Variants in CORO2B observed in about 807,000 individuals in gnomAD.
CORO2B encodes coronin-2B.
CORO2B carries 26 observed loss-of-function variants against 58.8 expected under a neutral mutation model. That is an observed-to-expected ratio of 0.44 (90% confidence interval 0.32 to 0.61). The LOEUF (loss-of-function observed/expected upper bound fraction) is 0.61. Ranked by LOEUF, CORO2B falls within the 20% of genes least tolerant of loss-of-function variation. The pLI is 0.04. For synonymous variants in CORO2B, 242 were observed against 253.8 expected (o/e 0.95, Z 0.44); for missense variants, 460 against 645.1 (o/e 0.71, Z 3.11).
chr15:68,686,903 A>AG (rs1386646592), intron 2 of CORO2B, among the ~76,000 whole-genome samples: 9 of 152,028 alleles, frequency 5.9e-5, no homozygotes, highest in African/African-American at 1.9e-4. Flanking sequence ...CCGTCTCAAA[A>AG]AAAAAAAAAG....
At chr15:68,714,339 A>T (rs1892983907) in intron 6 of CORO2B, among the ~76,000 whole-genome samples, 1 of 152,184 alleles carries the variant, frequency 6.6e-6, no homozygotes, top group African/African-American at 2.4e-5. Flanking sequence ...GACAATGAGA[A>T]CAAGTCCCTT....
rs149937397 is a variant in CORO2B, at chr15:68,632,427, C to T, written c.16-12733C>T. On this transcript the variant is annotated intron_variant, in intron 1 of 11. Transcript: ENST00000261861. ...AGACAGGACTCTTCATTTGCTAACA[C>T]GGAGAGACAGAAGTTGAGAAACGTC... The T allele has an allele frequency of 3.8e-4, 376 of 985,304 alleles. 2 individuals carry two copies. The African/African-American group carries it at 4.4e-3, about 12-fold the overall frequency. The allele number at this position is 985,304 out of a possible 1,614,324, so 61.0% of individuals were successfully genotyped here. A position where few individuals can be genotyped will look rare whatever the true frequency, so the allele number is the denominator to read the frequency against.
intron 1 of CORO2B, 75 bp downstream of exon 1, chr15:68,579,352 G>GGGGTGT: frequency 2.5e-6 from 3 of 1,221,550 alleles, no homozygotes; most frequent in Non-Finnish European, 3.1e-6. Flanking sequence ...GGGGGGCGCG[G>GGGGTGT]GGGTGTGGGT....
intron 2 of CORO2B, among the ~76,000 whole-genome samples, chr15:68,678,263 C>T (rs1902652727): frequency 6.6e-6 from 1 of 152,216 alleles, no homozygotes; most frequent in Admixed American, 6.5e-5. Context: ...CCTAGCACTC[C>T]ATAGTAAGAG....
At position 68,725,686 on chromosome 15, in the gene CORO2B, A is replaced by G. The variant is rs1596043820; in HGVS notation, c.1312-157A>G. On this transcript the variant is annotated intron_variant, in intron 11 of 11. Transcript: ENST00000261861. ...CTGAGCTAGAGATGGGAGAGGTGCA[A>G]TAAATGCACCTGGGGAGAATAAATG... 1.3e-5 allele frequency among the ~76,000 whole-genome samples: 2 copies of G among 152,122 alleles called. 1 individual carries two copies. The highest frequency in any genetic ancestry group is 3.9e-4 in the East Asian group (2 of 5,128).
At chr15:68,544,190 C>A in the CORO2B span, among the ~76,000 whole-genome samples, 22 of 152,334 alleles carry the variant, frequency 1.4e-4, no homozygotes, top group African/African-American at 5.3e-4. Context: ...ATCTCCTGAG[C>A]AAGCAACTAT....
intron 1 of CORO2B, among the ~76,000 whole-genome samples, chr15:68,601,655 A>G (rs16952292): frequency 0.25 from 37,590 of 152,120 alleles, 6,943 homozygotes; most frequent in African/African-American, 0.52. Context: ...GAGAACAGCT[A>G]GGAAGCGTGG....
chr15:68,698,361 C>T (rs1892563391), intron 3 of CORO2B, among the ~76,000 whole-genome samples: 1 of 152,174 alleles, frequency 6.6e-6, no homozygotes, highest in Admixed American at 6.5e-5. Flanking sequence ...CACCCAGGTT[C>T]CTCCTCAGGT....
Position 68,683,794 on chromosome 15 carries a change from C to T in CORO2B, c.217-11346C>T, listed in dbSNP as rs1037041535. Among the ~76,000 whole-genome samples, 7 of 152,294 alleles carry T rather than the reference C, an allele frequency of 4.6e-5. No individual in the cohort carries two copies. The East Asian group carries it at 9.7e-4, about 21-fold the overall frequency. On this transcript the variant is annotated intron_variant, in intron 2 of 11. Coordinates refer to ENST00000261861, the MANE Select transcript of CORO2B (RefSeq NM_006091.5). ...TCAAGACCACTGTCATCATGGTGCT[C>T]ACAGCCTGGTGGCAGGGATGAACCA...
chr15:68,543,484 A>G, the CORO2B span, among the ~76,000 whole-genome samples: 1 of 152,128 alleles, frequency 6.6e-6, no homozygotes, highest in African/African-American at 2.4e-5. Context: ...GGATAAGAGC[A>G]TGGGGGCTGG....
At chr15:68,663,150 A>C (rs1478869642) in intron 2 of CORO2B, among the ~76,000 whole-genome samples, 1 of 152,190 alleles carries the variant, frequency 6.6e-6, no homozygotes, top group Non-Finnish European at 1.5e-5. Context: ...AACTACCTAC[A>C]TTGTTCTCTC....
At chr15:68,684,844 G>A (rs1455847998) in intron 2 of CORO2B, among the ~76,000 whole-genome samples, 9 of 152,190 alleles carry the variant, frequency 5.9e-5, no homozygotes, top group South Asian at 2.1e-4. Context: ...CAGGGAGCCC[G>A]ATCTCTGCCC....
At chr15:68,715,718 G>A (rs1893016991) in intron 8 of CORO2B, among the ~76,000 whole-genome samples, 1 of 152,176 alleles carries the variant, frequency 6.6e-6, no homozygotes, top group African/African-American at 2.4e-5. Context: ...CTGTCTGCCT[G>A]ATAGGGCAGG....
chr15:68,523,646 C>G, the CORO2B span, among the ~76,000 whole-genome samples: 1 of 152,198 alleles, frequency 6.6e-6, no homozygotes, highest in South Asian at 2.1e-4. Context: ...TTCTGTGCCT[C>G]CATTGTCTCT....
intron 1 of CORO2B, among the ~76,000 whole-genome samples, chr15:68,640,120 A>G (rs1002589277): frequency 1.3e-5 from 2 of 152,046 alleles, no homozygotes; most frequent in African/African-American, 2.4e-5. Flanking sequence ...TCAGCTCCTT[A>G]GTAATGCAGG....
At chr15:68,691,801 C>T (rs1892385698) in intron 2 of CORO2B, among the ~76,000 whole-genome samples, 1 of 152,050 alleles carries the variant, frequency 6.6e-6, no homozygotes, top group South Asian at 2.1e-4. Context: ...TGTTGCCTAA[C>T]CTGCCCCTCC....
chr15:68,576,152 C>T (rs1270041025), upstream of CORO2B, among the ~76,000 whole-genome samples: 1 of 62,190 alleles, frequency 1.6e-5, no homozygotes, highest in African/African-American at 6.4e-5. Flanking sequence ...GACTACGTCG[C>T]AAAAAAAAAA....
chr15:68,645,491 G>A lies in CORO2B; in HGVS notation c.216+131G>A. 1 of 813,628 alleles carries A rather than the reference G, an allele frequency of 1.2e-6. No homozygotes were observed. The highest frequency in any genetic ancestry group is 1.8e-5 in the South Asian group (1 of 55,352). The allele number at this position is 813,628 out of a possible 1,614,324, so 50.4% of individuals were successfully genotyped here. A position where few individuals can be genotyped will look rare whatever the true frequency, so the allele number is the denominator to read the frequency against. Reference sequence around the variant, plus strand: ...TTTACTTCCTCATCAAGCATCTAGTGGCTATGCCTTCTTTAGGGTTTTCCT... The same window carrying A: ...TTTACTTCCTCATCAAGCATCTAGTAGCTATGCCTTCTTTAGGGTTTTCCT... On this transcript the variant is annotated intron_variant, in intron 2 of 11. Transcript: ENST00000261861. This position sits in a 1 kb window ranked among gnomAD's most constrained non-coding sequence, Gnocchi z 4.5.
the CORO2B span, among the ~76,000 whole-genome samples, chr15:68,551,327 T>C: frequency 6.6e-6 from 1 of 151,920 alleles, no homozygotes; most frequent in African/African-American, 2.4e-5. Flanking sequence ...GAGGTCCAGG[T>C]AACAACCCCC....
Sources: allele counts gnomAD v4.1 joint callset (sites outside exome capture counted in the v4.1 genomes callset), GRCh38; gene constraint gnomAD v4.1.1; non-coding constraint Gnocchi (gnomAD v3.1); transcripts MANE v1.5; gene names NCBI Gene and HGNC (gene_info 2026-07-23, HGNC 2026-07-21).